Variants in AGAP1 observed in about 807,000 individuals in gnomAD.
AGAP1 encodes the protein arf-GAP with GTPase, ANK repeat and PH domain-containing protein 1.
A neutral mutation model predicts 105.3 loss-of-function variants in AGAP1; 29 were observed. The ratio of observed to expected loss-of-function variants is 0.28; its 90% confidence interval spans 0.21 to 0.38. The LOEUF is 0.38. Ranked by LOEUF, AGAP1 falls within the 10% of genes least tolerant of loss-of-function variation. AGAP1 has a pLI of 1.00. For missense variants in AGAP1, 998 were observed against 1,165.1 expected, an observed-to-expected ratio of 0.86 and a Z score of 2.09; for synonymous variants, 509 against 485.9, an observed-to-expected ratio of 1.05 and a Z score of -0.63.
rs145358217 is a variant in AGAP1 at position 235,737,590 on chromosome 2, C to T, written c.311-3373C>T. On this transcript the variant is annotated intron_variant, in intron 3 of 17. Transcript: ENST00000304032. This position sits in a 1 kb window ranked among gnomAD's most constrained non-coding sequence, Gnocchi z 4.5. ...GCCACCTGGAAGCTTCACTTGTGAACGTGACTCTGCAAAAACATGTTAGAG... is the reference window on the plus strand; with the variant it reads ...GCCACCTGGAAGCTTCACTTGTGAATGTGACTCTGCAAAAACATGTTAGAG... Among the ~76,000 whole-genome samples the T allele has an allele frequency of 2.2e-4, 33 of 152,254 alleles. No homozygotes were observed. The highest frequency in any genetic ancestry group is 1.7e-3 in the East Asian group (9 of 5,162).
At chr2:235,870,808 A>G (rs1472891663) in intron 9 of AGAP1, among the ~76,000 whole-genome samples, 2 of 152,146 alleles carry the variant, frequency 1.3e-5, no homozygotes, top group Admixed American at 6.5e-5. Flanking sequence ...TCCCATAAGA[A>G]CTGACCCATG....
At chr2:235,572,955 C>T (rs1295158983) in intron 1 of AGAP1, among the ~76,000 whole-genome samples, 8 of 151,746 alleles carry the variant, frequency 5.3e-5, no homozygotes, top group Admixed American at 5.3e-4. Context: ...TGCTGTCAGA[C>T]TCCCCGATTG....
chr2:235,654,023 T>A (rs556018754), intron 1 of AGAP1, among the ~76,000 whole-genome samples: 1 of 152,358 alleles, frequency 6.6e-6, no homozygotes, highest in East Asian at 1.9e-4. Context: ...ACCACTGTGC[T>A]CCAGCCTGGG....
At position 235,623,592 on chromosome 2, in the gene AGAP1, G is replaced by A. The variant is rs1946552541; in HGVS notation, c.164-85587G>A. Among the ~76,000 whole-genome samples, 1 of 152,134 alleles carries A rather than the reference G, an allele frequency of 6.6e-6. No individual in the cohort carries two copies. The highest frequency in any genetic ancestry group is 1.5e-5 in the Non-Finnish European group (1 of 68,024). On this transcript the variant is annotated intron_variant, in intron 1 of 17. Transcript: ENST00000304032. This position sits in a 1 kb window ranked among gnomAD's most constrained non-coding sequence, Gnocchi z 4.5. ...TCCCAAGCTAGTTGCTGAAGCTGTG[G>A]GCCATTGAGCCAGCCTGGAGATGCA...
At position 235,875,250 on chromosome 2, in the gene AGAP1, T is replaced by C. The variant is rs1426783089; in HGVS notation, c.1051-8095T>C. Reference sequence around the variant, plus strand: ...AACTCCCGTTGTTTGTTTTCACCTTTTAGAATTCCTGGGACTAACAACAAT... The same window carrying C: ...AACTCCCGTTGTTTGTTTTCACCTTCTAGAATTCCTGGGACTAACAACAAT... On this transcript the variant is annotated intron_variant, in intron 9 of 17. Transcript: ENST00000304032. The surrounding 1 kb of genome is among the most constrained non-coding windows in gnomAD (Gnocchi z 4.0). 1.3e-5 allele frequency among the ~76,000 whole-genome samples: 2 copies of C among 152,216 alleles called. No homozygotes were observed. The highest frequency in any genetic ancestry group is 2.9e-5 in the Non-Finnish European group (2 of 68,036).
chr2:236,003,941 T>C lies in AGAP1; in HGVS notation c.1646-32620T>C, dbSNP rs1399956720. On this transcript the variant is annotated intron_variant, in intron 13 of 17. Transcript: ENST00000304032. The surrounding 1 kb of genome is among the most constrained non-coding windows in gnomAD (Gnocchi z 4.2). ...TAAAACAGTCAGCCCCTGGACTCCA[T>C]GGCTCTGTGGAATGGGCGGTTTAGT... 6.6e-6 allele frequency among the ~76,000 whole-genome samples: 1 copy of C among 152,200 alleles called. No individual in the cohort carries two copies. Among genetic ancestry groups the C allele is most frequent in the African/African-American group, 2.4e-5 (1 of 41,436 alleles).
chr2:235,717,600 A>G lies in AGAP1; in HGVS notation c.266A>G (p.His89Arg). The G allele has an allele frequency of 6.2e-7, 1 of 1,604,996 alleles. No individual in the cohort carries two copies. Among genetic ancestry groups the G allele is most frequent in the Non-Finnish European group, 8.5e-7 (1 of 1,178,082 alleles). The stretch of plus-strand genomic sequence containing the variant: ...GCCAGCGGCAAGTCTGCCCTGGTGC[A>G]CCGGTACCTGACGGGCACATATGTC... ...NLASGKSALVHRYLTGTYVQE... is the reference protein window; with the variant it reads ...NLASGKSALVRRYLTGTYVQE... The change falls in exon 3 of 18, where the codon CAC becomes CGC. Residue 89 changes from histidine to arginine, a missense_variant. Transcript: ENST00000304032.
chr2:235,761,976 G>A (rs559093174), intron 6 of AGAP1, among the ~76,000 whole-genome samples: 80 of 152,118 alleles, frequency 5.3e-4, no homozygotes, highest in South Asian at 1.3e-3. Flanking sequence ...GGGTGTAATG[G>A]TGCATGCCTG....
At chr2:235,980,993 A>G (rs2125406931) in intron 13 of AGAP1, among the ~76,000 whole-genome samples, 1 of 152,320 alleles carries the variant, frequency 6.6e-6, no homozygotes, top group East Asian at 1.9e-4. Flanking sequence ...TCCTCCTGTT[A>G]TGCTCTTAAT....
chr2:235,830,975 G>A lies in AGAP1; in HGVS notation c.1050+23644G>A, dbSNP rs1360771186. Among the ~76,000 whole-genome samples, 2 of 151,998 alleles carry A rather than the reference G, an allele frequency of 1.3e-5. No homozygotes were observed. The highest frequency in any genetic ancestry group is 2.4e-5 in the African/African-American group (1 of 41,370). On this transcript the variant is annotated intron_variant, in intron 9 of 17. Coordinates refer to ENST00000304032, the MANE Select transcript of AGAP1 (RefSeq NM_001037131.3). The surrounding 1 kb of genome is among the most constrained non-coding windows in gnomAD (Gnocchi z 5.5). The stretch of plus-strand genomic sequence containing the variant: ...GGTGCCGCCTCCTCACCTGTGTGTC[G>A]CAGGTGTAGGCGATACCTGGGAAGC...
At chr2:235,657,869 G>A (rs1343353350) in intron 1 of AGAP1, among the ~76,000 whole-genome samples, 2 of 152,302 alleles carry the variant, frequency 1.3e-5, no homozygotes, top group East Asian at 3.9e-4. Context: ...CAGTAAGACT[G>A]TGTCCTTATA....
In AGAP1 at chr2:235,976,106, C is replaced by T. The variant is rs551823223; in HGVS notation, c.1645+7483C>T. Reference sequence around the variant, plus strand: ...ATACGCTGGAAATGCAGTCACTTCACTCTGCTAAGGATATCAGGAGACTGG... The same window carrying T: ...ATACGCTGGAAATGCAGTCACTTCATTCTGCTAAGGATATCAGGAGACTGG... On this transcript the variant is annotated intron_variant, in intron 13 of 17. Coordinates refer to ENST00000304032, the MANE Select transcript of AGAP1 (RefSeq NM_001037131.3). The surrounding 1 kb of genome is among the most constrained non-coding windows in gnomAD (Gnocchi z 4.5). Among the ~76,000 whole-genome samples, 2 of 152,300 alleles carry T rather than the reference C, an allele frequency of 1.3e-5. No homozygotes were observed. The highest frequency in any genetic ancestry group is 3.9e-4 in the East Asian group (2 of 5,176).
At position 235,849,427 on chromosome 2, in the gene AGAP1, C is replaced by T. The variant is rs376778036; in HGVS notation, c.1051-33918C>T. On this transcript the variant is annotated intron_variant, in intron 9 of 17. Transcript: ENST00000304032. ...TCAAATGTAAAAGTGATTTCTCTAT[C>T]GGAGTGGTGTAGATGATAGAAACAA... 3.4e-4 allele frequency among the ~76,000 whole-genome samples: 52 copies of T among 152,218 alleles called. 1 individual carries two copies. The East Asian group carries it at 7.3e-3, about 21-fold the overall frequency.
intron 1 of AGAP1, among the ~76,000 whole-genome samples, chr2:235,653,233 A>C (rs968147978): frequency 1.3e-5 from 2 of 152,162 alleles, no homozygotes; most frequent in African/African-American, 4.8e-5. Flanking sequence ...TGGGAGGCCA[A>C]GGCGGGCGGA....
At chr2:235,999,736 T>C (rs753028700) in intron 13 of AGAP1, among the ~76,000 whole-genome samples, 1 of 147,408 alleles carries the variant, frequency 6.8e-6, no homozygotes, top group Non-Finnish European at 1.5e-5. Flanking sequence ...TGATGACCAA[T>C]ATGGTATGGT....
intron 3 of AGAP1, among the ~76,000 whole-genome samples, chr2:235,730,059 TC>T (rs1421867145): frequency 6.6e-6 from 1 of 152,146 alleles, no homozygotes; most frequent in Non-Finnish European, 1.5e-5. Context: ...TTTCTTAGTT[TC>T]TTGAAACAAG....
chr2:235,709,118 C>T, intron 1 of AGAP1, 61 bp from the exon 2 acceptor site: 2 of 1,548,834 alleles, frequency 1.3e-6, no homozygotes, highest in African/African-American at 2.7e-5. Context: ...CCATTGGAGG[C>T]ATTTTGACTT....
intron 9 of AGAP1, among the ~76,000 whole-genome samples, chr2:235,807,795 G>T (rs1957916918): frequency 6.6e-6 from 1 of 152,196 alleles, no homozygotes; most frequent in African/African-American, 2.4e-5. Flanking sequence ...AATCATAGCC[G>T]GTGTGTCAGC....
At chr2:235,613,288 A>G (rs1007302007) in intron 1 of AGAP1, among the ~76,000 whole-genome samples, 3 of 152,134 alleles carry the variant, frequency 2.0e-5, no homozygotes, top group Admixed American at 1.3e-4. Flanking sequence ...GTGCCACTGC[A>G]CCCGGCCACA....
Sources: allele counts gnomAD v4.1 joint callset (sites outside exome capture counted in the v4.1 genomes callset), GRCh38; gene constraint gnomAD v4.1.1; non-coding constraint Gnocchi (gnomAD v3.1); transcripts MANE v1.5; gene names NCBI Gene and HGNC (gene_info 2026-07-23, HGNC 2026-07-21).